SEL1L2: variants seen among roughly 807,000 people sequenced by gnomAD.
The protein encoded by SEL1L2 is protein sel-1 homolog 2.
In SEL1L2, 89 loss-of-function variants were observed where a neutral mutation model predicts 98.8. The observed-to-expected ratio is 0.90, with a 90% CI of 0.76 to 1.07. The LOEUF (loss-of-function observed/expected upper bound fraction) is 1.07, where lower values mean the gene tolerates loss of function less well. Among genes scored for constraint, SEL1L2 ranks in the 50% least tolerant of loss-of-function variants. The pLI is 0.00. For synonymous variants in SEL1L2, 262 were observed against 278.5 expected, an observed-to-expected ratio of 0.94 and a Z score of 0.59; for missense variants, 788 against 812.0, an observed-to-expected ratio of 0.97 and a Z score of 0.36.
intron 1 of SEL1L2, among the ~76,000 whole-genome samples, chr20:13,965,039 C>A (rs114857645): frequency 2.0e-5 from 3 of 152,100 alleles, no homozygotes; most frequent in African/African-American, 7.2e-5. Context: ...TCAGTCCTCA[C>A]CTCTTCTCTC....
intron 5 of SEL1L2, among the ~76,000 whole-genome samples, chr20:13,912,793 G>C (rs1450144705): frequency 6.6e-6 from 1 of 152,132 alleles, no homozygotes; most frequent in Non-Finnish European, 1.5e-5. Context: ...CCCATAAGAA[G>C]TACTACCCCC....
intron 2 of SEL1L2, among the ~76,000 whole-genome samples, chr20:13,941,691 A>G (rs2049783108): frequency 6.6e-6 from 1 of 152,086 alleles, no homozygotes; most frequent in African/African-American, 2.4e-5. Context: ...TCTTCCCCCA[A>G]CCCCCTAACA....
At chr20:13,881,984 G>A (rs1412014243) in intron 10 of SEL1L2, among the ~76,000 whole-genome samples, 2 of 151,914 alleles carry the variant, frequency 1.3e-5, no homozygotes, top group Non-Finnish European at 2.9e-5. Context: ...AAATTACCCT[G>A]GTTTGATCAT....
intron 14 of SEL1L2, among the ~76,000 whole-genome samples, chr20:13,869,128 C>T (rs2046065358): frequency 6.6e-6 from 1 of 152,108 alleles, no homozygotes; most frequent in Non-Finnish European, 1.5e-5. Context: ...GCTCTTTCCT[C>T]TCACCCTCTT....
At position 13,889,615 on chromosome 20, in the gene SEL1L2, C is replaced by A. The variant is rs886922234; in HGVS notation, c.550-1103G>T. ...GACCATCCTGGCTAACACAGTGAAA[C>A]CCTGTCTCTACTAAAAATACAAAAA... is the stretch of plus-strand genomic sequence containing the variant. On this transcript the variant is annotated intron_variant, in intron 5 of 19. Coordinates refer to ENST00000284951, the MANE Select transcript of SEL1L2 (RefSeq NM_025229.2). Among the ~76,000 whole-genome samples the A allele has an allele frequency of 7.2e-5, 11 of 152,094 alleles. No homozygotes were observed. In the South Asian group the frequency reaches 2.1e-3, roughly 29 times the overall value.
chr20:13,869,402 C>G, intron 14 of SEL1L2, 101 bp downstream of exon 14: 1 of 904,746 alleles, frequency 1.1e-6, no homozygotes, highest in Non-Finnish European at 1.8e-6. Flanking sequence ...AATGTTCTGT[C>G]TAAACCACTC....
chr20:13,899,439 G>C (rs2047569742), intron 5 of SEL1L2, among the ~76,000 whole-genome samples: 1 of 151,870 alleles, frequency 6.6e-6, no homozygotes, highest in East Asian at 1.9e-4. Context: ...TTTCTTCTTA[G>C]CATAATAATA....
intron 2 of SEL1L2, among the ~76,000 whole-genome samples, chr20:13,941,217 T>C (rs775357678): frequency 3.3e-5 from 5 of 152,048 alleles, no homozygotes; most frequent in Non-Finnish European, 7.4e-5. Flanking sequence ...TAAGAACAGG[T>C]TGATGGCCCC....
At chr20:13,935,687 T>C (rs1289266045) in intron 2 of SEL1L2, among the ~76,000 whole-genome samples, 1 of 151,912 alleles carries the variant, frequency 6.6e-6, no homozygotes, top group Non-Finnish European at 1.5e-5. Flanking sequence ...AGGTTCAGGA[T>C]TGGGAGTTGT....
intron 1 of SEL1L2, among the ~76,000 whole-genome samples, chr20:13,958,219 G>T (rs2050627362): frequency 6.6e-6 from 1 of 152,204 alleles, no homozygotes; most frequent in East Asian, 1.9e-4. Flanking sequence ...ATTTAGCACA[G>T]TACTTAATAC....
At position 13,956,141 on chromosome 20, in the gene SEL1L2, A is replaced by G. The variant is rs1321210233; in HGVS notation, c.59-10T>C. Reference sequence around the variant, plus strand: ...TCCTCTGCTTTGATAGCTGCAATACACAAAATTTTTTTATAAAATTTAAAA... The same window carrying G: ...TCCTCTGCTTTGATAGCTGCAATACGCAAAATTTTTTTATAAAATTTAAAA... On this transcript the variant is annotated splice_polypyrimidine_tract_variant and intron_variant, in intron 1 of 19. Transcript: ENST00000284951. 5 of 1,440,332 alleles carry G rather than the reference A, an allele frequency of 3.5e-6. No individual in the cohort carries two copies. The African/African-American group carries it at 5.8e-5, about 17-fold the overall frequency. 89.2% of individuals were successfully genotyped at this position (1,440,332 alleles called of 1,614,324 possible).
rs1171588773 is a variant in SEL1L2 at position 13,849,443 on chromosome 20, G to A, written c.*42C>T. On this transcript the variant is annotated 3_prime_UTR_variant, in exon 20 of 20. Coordinates refer to ENST00000284951, the MANE Select transcript of SEL1L2 (RefSeq NM_025229.2). ...GTTTATTTAGTGGGGATACCTTGGAGTGAACTGATTCCCGTGAGCAGGTTT... is the reference window on the plus strand; with the variant it reads ...GTTTATTTAGTGGGGATACCTTGGAATGAACTGATTCCCGTGAGCAGGTTT... The A allele has an allele frequency of 3.1e-6, 5 of 1,607,370 alleles. No homozygotes were observed. In the African/African-American group the frequency reaches 5.3e-5, roughly 17 times the overall value.
chr20:13,977,324 C>T (rs1416766383), intron 1 of SEL1L2, among the ~76,000 whole-genome samples: 2 of 152,074 alleles, frequency 1.3e-5, no homozygotes. Context: ...AAGACAAGCC[C>T]ATGAAAGAGC....
At chr20:13,976,298 A>C (rs1297690659) in intron 1 of SEL1L2, among the ~76,000 whole-genome samples, 1 of 151,482 alleles carries the variant, frequency 6.6e-6, no homozygotes, top group Non-Finnish European at 1.5e-5. Flanking sequence ...CAGCACCCGG[A>C]CTGTTTTTTT....
chr20:13,894,783 T>C (rs1259681671), intron 5 of SEL1L2, among the ~76,000 whole-genome samples: 2 of 152,164 alleles, frequency 1.3e-5, no homozygotes, highest in African/African-American at 4.8e-5. Context: ...AACCTACCAA[T>C]ACTGAGTTTT....
At chr20:13,984,720 CT>C (rs1290848981) in intron 1 of SEL1L2, among the ~76,000 whole-genome samples, 1 of 151,528 alleles carries the variant, frequency 6.6e-6, no homozygotes, top group Non-Finnish European at 1.5e-5. Flanking sequence ...CTCTTCTTTC[CT>C]TTTTTCTTTC....
At chr20:13,948,563 G>T (rs1334541149) in intron 2 of SEL1L2, among the ~76,000 whole-genome samples, 3 of 152,300 alleles carry the variant, frequency 2.0e-5, no homozygotes, top group African/African-American at 7.2e-5. Context: ...GCAAAAGGAT[G>T]AAATTGGACC....
chr20:13,939,040 G>GTTTTGTTTTTTTTTTTTTTTTT (rs2049605907), intron 2 of SEL1L2, among the ~76,000 whole-genome samples: 3 of 114,088 alleles, frequency 2.6e-5, no homozygotes, highest in African/African-American at 1.0e-4. Context: ...TGCTTGTTTT[G>GTTTTGTTTTTTTTTTTTTTTTT]TTTTTTTTTT....
intron 5 of SEL1L2, among the ~76,000 whole-genome samples, chr20:13,900,389 TGTAACTCA>T (rs201504320): frequency 0.014 from 2,099 of 152,298 alleles, 39 homozygotes; most frequent in African/African-American, 0.048. Context: ...AGACTGGTCA[TGTAACTCA>T]GGGGCCCTGG....
Sources: gnomAD v4.1 joint callset for allele counts (sites outside exome capture counted in the v4.1 genomes callset) on GRCh38, gnomAD v4.1.1 for gene constraint, MANE v1.5 for transcripts, NCBI Gene and HGNC (gene_info 2026-07-23, HGNC 2026-07-21) for gene names.